DEUP1: variants seen among roughly 807,000 people sequenced by gnomAD.
The protein encoded by DEUP1 is coiled-coil domain containing 67.
In DEUP1, 82 loss-of-function variants were observed where a neutral mutation model predicts 87.4. The ratio of observed to expected loss-of-function variants is 0.94; its 90% CI spans 0.78 to 1.13. DEUP1 has a LOEUF of 1.13. Among genes scored for constraint, DEUP1 ranks in the 50% most tolerant of loss-of-function variants. The probability of loss-of-function intolerance (pLI) is 0.00; values close to 1 mark genes in which losing one functional copy is unlikely to be tolerated. For missense variants in DEUP1, 663 were observed against 681.5 expected (o/e 0.97, Z 0.30); for synonymous variants, 214 against 222.7 (o/e 0.96, Z 0.35).
intron 2 of DEUP1, chr11:93,352,362 C>T: frequency 2.8e-6 from 2 of 702,502 alleles, no homozygotes; most frequent in South Asian, 1.5e-5. Flanking sequence ...TGGACTTACA[C>T]CAGCTCCCTG....
chr11:93,354,457 C>T (rs774472978), intron 2 of DEUP1, among the ~76,000 whole-genome samples: 4 of 152,164 alleles, frequency 2.6e-5, no homozygotes, highest in Non-Finnish European at 4.4e-5. Flanking sequence ...GTTGCTTCCA[C>T]ATTTCGGTTA....
chr11:93,374,209 A>G (rs1945916209), intron 7 of DEUP1, among the ~76,000 whole-genome samples: 1 of 152,026 alleles, frequency 6.6e-6, no homozygotes, highest in East Asian at 1.9e-4. Flanking sequence ...ATAGTTTGTG[A>G]AGATTTTCTC....
chr11:93,340,254 A>T (rs1180690521), intron 2 of DEUP1, among the ~76,000 whole-genome samples: 2 of 152,296 alleles, frequency 1.3e-5, no homozygotes, highest in African/African-American at 2.4e-5. Context: ...AGAAAGACCT[A>T]AAAAAAGTGA....
chr11:93,368,097 A>G (rs1215942474), intron 5 of DEUP1, among the ~76,000 whole-genome samples: 1 of 152,238 alleles, frequency 6.6e-6, no homozygotes, highest in Non-Finnish European at 1.5e-5. Flanking sequence ...ACAGATAATC[A>G]TGCTGTATAA....
chr11:93,416,741 G>A (rs1947646258), intron 13 of DEUP1, among the ~76,000 whole-genome samples: 1 of 151,420 alleles, frequency 6.6e-6, no homozygotes, highest in Non-Finnish European at 1.5e-5. Context: ...GAGAATTTTA[G>A]ACCAATATCC....
intron 12 of DEUP1, among the ~76,000 whole-genome samples, chr11:93,411,929 G>C (rs1947446605): frequency 3.9e-5 from 6 of 152,180 alleles, no homozygotes; most frequent in Admixed American, 3.9e-4. Context: ...AAGATCTCTT[G>C]TCAAGGAATG....
intron 5 of DEUP1, among the ~76,000 whole-genome samples, chr11:93,365,049 A>G (rs1490025065): frequency 6.6e-6 from 1 of 152,010 alleles, no homozygotes; most frequent in Admixed American, 6.6e-5. Context: ...CTGCCCAATT[A>G]TTATTTTTTA....
intron 2 of DEUP1, among the ~76,000 whole-genome samples, chr11:93,332,854 G>T (rs993504553): frequency 6.6e-6 from 1 of 152,196 alleles, no homozygotes; most frequent in Non-Finnish European, 1.5e-5. Flanking sequence ...CTGCATCACA[G>T]AGTTTTCTCT....
upstream of DEUP1, chr11:93,330,124 C>G (rs1028057830): frequency 3.3e-5 from 5 of 152,246 alleles, no homozygotes; most frequent in Non-Finnish European, 7.3e-5. Context: ...ACCACAGGAA[C>G]CAGGGGCTGA....
intron 2 of DEUP1, among the ~76,000 whole-genome samples, chr11:93,347,694 AT>A (rs1252735281): frequency 6.6e-6 from 1 of 151,950 alleles, no homozygotes; most frequent in East Asian, 1.9e-4. Context: ...TTCAGAGCCC[AT>A]TGTTGGTCTG....
chr11:93,364,355 C>A (rs993574925), intron 5 of DEUP1, 61 bp downstream of exon 5: 1 of 1,439,746 alleles, frequency 6.9e-7, no homozygotes, highest in Admixed American at 1.8e-5. Context: ...TTGTTGTGGG[C>A]TATTTGTCTC....
chr11:93,415,120 T>C lies in DEUP1; in HGVS notation c.1638+6T>C, dbSNP rs1947568749. On this transcript the variant is annotated splice_donor_region_variant and intron_variant, in intron 13 of 13. Coordinates refer to ENST00000298050, the MANE Select transcript of DEUP1 (RefSeq NM_181645.4). ...ATGATGATGTATTCCCACTGGTGAG[T>C]TGCTGGTTGTGGGCTTTTTTTTTCT... 1 of 1,584,064 alleles carries C rather than the reference T, an allele frequency of 6.3e-7. No homozygotes were observed. Among genetic ancestry groups the C allele is most frequent in the Admixed American group, 1.7e-5 (1 of 59,284 alleles).
At position 93,415,035 on chromosome 11, in the gene DEUP1, T is replaced by C. The variant is rs61746205; in HGVS notation, c.1559T>C (p.Met520Thr). The C allele has an allele frequency of 1.1e-3, 1,786 of 1,600,452 alleles. 16 individuals are homozygous for C. In the African/African-American group the frequency reaches 0.022, roughly 19 times the overall value. The change falls in exon 13 of 14, where the codon ATG (methionine) becomes ACG (threonine). Residue 520 changes from methionine (M) to threonine (T), a missense_variant. Transcript: ENST00000298050. The stretch of plus-strand genomic sequence containing the variant: ...GACTGTGAGCCAAACAGAAGTACAA[T>C]GCCTCCCTTGCCACCTTCGACATTT... ...SHDCEPNRST[M>T]PPLPPSTFQA...
intron 2 of DEUP1, among the ~76,000 whole-genome samples, chr11:93,354,433 T>A (rs901671249): frequency 6.6e-6 from 1 of 152,170 alleles, no homozygotes; most frequent in African/African-American, 2.4e-5. Context: ...CTCTGCCCAT[T>A]ACCCAGTTCC....
chr11:93,339,157 G>T (rs564230455), intron 2 of DEUP1, among the ~76,000 whole-genome samples: 1 of 152,188 alleles, frequency 6.6e-6, no homozygotes, highest in African/African-American at 2.4e-5. Context: ...TTAAGTTATT[G>T]TTGCTTCTTA....
At chr11:93,432,421 C>A (rs896832186) in intron 13 of DEUP1, among the ~76,000 whole-genome samples, 1 of 152,168 alleles carries the variant, frequency 6.6e-6, no homozygotes, top group East Asian at 1.9e-4. Flanking sequence ...AGAAAGTGAA[C>A]ATACTAGGGA....
At chr11:93,428,612 A>G (rs113759315) in intron 13 of DEUP1, among the ~76,000 whole-genome samples, 2 of 152,184 alleles carry the variant, frequency 1.3e-5, no homozygotes, top group Admixed American at 6.6e-5. Context: ...AAAATTAAAA[A>G]AAAGTTTTAT....
At chr11:93,372,242 C>T (rs1288816037) in intron 7 of DEUP1, among the ~76,000 whole-genome samples, 1 of 152,152 alleles carries the variant, frequency 6.6e-6, no homozygotes, top group Non-Finnish European at 1.5e-5. Flanking sequence ...ATATGTATTT[C>T]TTATTCATCA....
At chr11:93,405,202 C>T (rs1017576701) in intron 11 of DEUP1, among the ~76,000 whole-genome samples, 7 of 151,826 alleles carry the variant, frequency 4.6e-5, no homozygotes, top group African/African-American at 1.4e-4. Flanking sequence ...ATTCTCAACC[C>T]TTTTCAACCA....
Sources: gnomAD v4.1 joint callset for allele counts (sites outside exome capture counted in the v4.1 genomes callset) on GRCh38, gnomAD v4.1.1 for gene constraint, MANE v1.5 for transcripts, NCBI Gene and HGNC (gene_info 2026-07-23, HGNC 2026-07-21) for gene names.